The following SCML4 variants were observed in gnomAD, a reference collection of about 807,000 sequenced individuals.
The protein encoded by SCML4 is Scm polycomb group protein like 4.
Under a neutral mutation model 41.1 loss-of-function variants are expected in SCML4, and 34 were observed. The observed-to-expected ratio is 0.83, with a 90% confidence interval of 0.63 to 1.10. The LOEUF is 1.10. Ranked by LOEUF, SCML4 falls within the 50% of genes least tolerant of loss-of-function variation. SCML4 has a pLI of 0.00. For missense variants in SCML4, 522 were observed against 534.1 expected, an observed-to-expected ratio of 0.98 and a Z score of 0.22; for synonymous variants, 214 against 220.9, an observed-to-expected ratio of 0.97 and a Z score of 0.28.
the SCML4 span, among the ~76,000 whole-genome samples, chr6:107,833,664 C>T: frequency 6.6e-6 from 1 of 152,048 alleles, no homozygotes; most frequent in Non-Finnish European, 1.5e-5. Flanking sequence ...CCAGGCTTCC[C>T]CCAGTTTGTG....
chr6:107,782,789 TG>T (rs1781618019), intron 1 of SCML4, among the ~76,000 whole-genome samples: 4 of 149,896 alleles, frequency 2.7e-5, no homozygotes, highest in Admixed American at 6.6e-5. Flanking sequence ...GGTGCTGGTC[TG>T]AGTTTGCCTG....
intron 1 of SCML4, among the ~76,000 whole-genome samples, chr6:107,817,871 C>T (rs780620039): frequency 4.6e-5 from 7 of 152,130 alleles, no homozygotes; most frequent in Non-Finnish European, 8.8e-5. Flanking sequence ...TTATACTCAC[C>T]TGGTCTCATT....
intron 1 of SCML4, among the ~76,000 whole-genome samples, chr6:107,808,313 CAGCA>C (rs1265040488): frequency 1.3e-5 from 2 of 152,188 alleles, no homozygotes; most frequent in African/African-American, 4.8e-5. Flanking sequence ...TCAAATCATG[CAGCA>C]AGAGAAGGTG....
chr6:107,713,779 G>T (rs1288319546), intron 6 of SCML4, among the ~76,000 whole-genome samples: 1 of 152,156 alleles, frequency 6.6e-6, no homozygotes, highest in Non-Finnish European at 1.5e-5. Flanking sequence ...GGGCTGGCAA[G>T]GGGAAGGGGA....
chr6:107,721,059 C>A, intron 5 of SCML4, 66 bp from the exon 6 acceptor site: 1 of 1,508,114 alleles, frequency 6.6e-7, no homozygotes. Flanking sequence ...TCAGACCCTC[C>A]GTCTTGGCAA....
chr6:107,803,755 A>G (rs1783487357), intron 1 of SCML4, among the ~76,000 whole-genome samples: 1 of 150,076 alleles, frequency 6.7e-6, no homozygotes, highest in South Asian at 2.1e-4. Flanking sequence ...CTTACCCCCA[A>G]CCCTGTGCTC....
At chr6:107,823,906 C>G (rs1163885325) in intron 1 of SCML4, among the ~76,000 whole-genome samples, 1 of 152,180 alleles carries the variant, frequency 6.6e-6, no homozygotes. Context: ...ACATTTTCCC[C>G]TCTGAGATCT....
intron 5 of SCML4, among the ~76,000 whole-genome samples, chr6:107,730,265 C>G (rs987076594): frequency 6.6e-6 from 1 of 152,204 alleles, no homozygotes; most frequent in Admixed American, 6.5e-5. Context: ...GCCAGCCGAC[C>G]TGTTGGAGGA....
chr6:107,704,933 T>G lies in SCML4; in HGVS notation c.*267A>C, dbSNP rs6903929. On this transcript the variant is annotated 3_prime_UTR_variant, in exon 8 of 8. Coordinates refer to ENST00000369020, the MANE Select transcript of SCML4 (RefSeq NM_198081.5). Reference sequence around the variant, plus strand: ...CTCGTTATGCAAATAGGACCCACTTTAAGAGAAACCAGCATAACAGGGATG... The same window carrying G: ...CTCGTTATGCAAATAGGACCCACTTGAAGAGAAACCAGCATAACAGGGATG... 2.0e-6 allele frequency: 1 copy of G among 507,740 alleles called. No individual in the cohort carries two copies. The highest frequency in any genetic ancestry group is 2.1e-5 in the South Asian group (1 of 47,066). The allele number at this position is 507,740 out of a possible 1,614,324, so 31.5% of individuals were successfully genotyped here. A position where few individuals can be genotyped will look rare whatever the true frequency, so the allele number is the denominator to read the frequency against.
At position 107,745,133 on chromosome 6, in the gene SCML4, G is replaced by C; in HGVS notation, c.498C>G (p.Ser166=). ...TCCGCAGGTGCTGTTTGCCATCAAA[G>C]GAAGCCGAGACTGGAAAACCAGAGA... The part of the protein sequence containing the change: ...YGGEMVSVSA[S]FDGKQHLRSL... The change falls in exon 5 of 8, where the codon TCC becomes TCG. Residue 166 remains serine (S), a synonymous_variant. Coordinates refer to ENST00000369020, the MANE Select transcript of SCML4 (RefSeq NM_198081.5). 1 of 1,576,144 alleles carries C rather than the reference G, an allele frequency of 6.3e-7. No individual in the cohort carries two copies. Among genetic ancestry groups the C allele is most frequent in the Non-Finnish European group, 8.6e-7 (1 of 1,160,166 alleles).
At chr6:107,808,437 T>C (rs559163402) in intron 1 of SCML4, among the ~76,000 whole-genome samples, 2 of 152,182 alleles carry the variant, frequency 1.3e-5, no homozygotes, top group South Asian at 4.1e-4. Context: ...TTTGTTTTTG[T>C]TTTTGTTTTT....
chr6:107,753,811 G>A (rs944451993), intron 2 of SCML4, among the ~76,000 whole-genome samples: 1 of 152,154 alleles, frequency 6.6e-6, no homozygotes, highest in African/African-American at 2.4e-5. Flanking sequence ...TAGGTGAGAG[G>A]GTAGGAGATT....
At chr6:107,805,408 G>C (rs1047437854) in intron 1 of SCML4, among the ~76,000 whole-genome samples, 1 of 152,194 alleles carries the variant, frequency 6.6e-6, no homozygotes, top group African/African-American at 2.4e-5. Context: ...ATCTTTTTTA[G>C]TGGCATGCTT....
chr6:107,828,461 T>A (rs1050832955), upstream of SCML4, among the ~76,000 whole-genome samples: 3 of 152,266 alleles, frequency 2.0e-5, no homozygotes, highest in Admixed American at 1.3e-4. Flanking sequence ...GTTGTGATTA[T>A]GGATATGGCC....
chr6:107,707,812 C>A (rs1051958002), intron 7 of SCML4, 54 bp downstream of exon 7: 13 of 1,550,232 alleles, frequency 8.4e-6, no homozygotes, highest in Non-Finnish European at 1.0e-5. Context: ...CCTCACTCTC[C>A]TTCTGTGCCT....
chr6:107,747,081 G>C (rs74694659), intron 3 of SCML4, among the ~76,000 whole-genome samples, 192 bp from the exon 4 acceptor site: 3 of 152,184 alleles, frequency 2.0e-5, no homozygotes, highest in Non-Finnish European at 4.4e-5. Context: ...GACACCCCAA[G>C]TGCCAGGGCC....
chr6:107,720,808 G>T lies in SCML4; in HGVS notation c.868C>A (p.Pro290Thr), dbSNP rs1300737016. Residue 290 changes from proline (P) to threonine (T), a missense_variant, in exon 6 of 8, where the codon CCC (proline) becomes ACC (threonine). Pro to Thr is a conservative substitution (Grantham distance 38). Transcript: ENST00000369020. Reference protein sequence around the residue: ...GGGPAATAGGPRTSPMSSGGP... With the variant: ...GGGPAATAGGTRTSPMSSGGP... ...CCAGAAGACATGGGGCTAGTGCGGG[G>T]ACCACCAGCGGTGGCAGCAGGACCA... 2.5e-6 allele frequency: 4 copies of T among 1,613,954 alleles called. No individual in the cohort carries two copies. The highest frequency in any genetic ancestry group is 3.4e-6 in the Non-Finnish European group (4 of 1,179,978).
intron 1 of SCML4, among the ~76,000 whole-genome samples, chr6:107,777,309 G>A (rs1562247253): frequency 6.6e-6 from 1 of 152,042 alleles, no homozygotes; most frequent in Non-Finnish European, 1.5e-5. Flanking sequence ...GTAGAGACGG[G>A]GTTTCACCAT....
rs574633953 is a variant in SCML4, at chr6:107,789,276, G to A, written c.-59-16890C>T. On this transcript the variant is annotated intron_variant, in intron 1 of 7. Coordinates refer to ENST00000369020, the MANE Select transcript of SCML4 (RefSeq NM_198081.5). ...GGGACCTAGAGTGGCCAGACACTAA[G>A]CAGAGCACAGGGACGTGAAGATGAA... 3.3e-5 allele frequency among the ~76,000 whole-genome samples: 5 copies of A among 152,304 alleles called. No individual in the cohort carries two copies. The South Asian group carries it at 1.0e-3, about 32-fold the overall frequency.
Sources: allele counts gnomAD v4.1 joint callset (sites outside exome capture counted in the v4.1 genomes callset), GRCh38; gene constraint gnomAD v4.1.1; transcripts MANE v1.5; gene names NCBI Gene and HGNC (gene_info 2026-07-23, HGNC 2026-07-21).